WDPCP: variants seen among roughly 807,000 people sequenced by gnomAD.
The protein encoded by WDPCP is WD repeat containing planar cell polarity effector.
A neutral mutation model predicts 93.1 loss-of-function variants in WDPCP; 71 were observed. The ratio of observed to expected loss-of-function variants is 0.76; its 90% CI spans 0.63 to 0.93. The LOEUF is 0.93. Ranked by LOEUF, WDPCP falls within the 40% of genes least tolerant of loss-of-function variation. The pLI, the probability that WDPCP is intolerant of heterozygous loss-of-function variation, is 0.00. For synonymous variants in WDPCP, 315 were observed against 315.0 expected, an observed-to-expected ratio of 1.00 and a Z score of 0.00; for missense variants, 844 against 887.4, an observed-to-expected ratio of 0.95 and a Z score of 0.62.
intron 14 of WDPCP, chr2:63,229,691 A>G (rs953117309): frequency 2.6e-5 from 4 of 151,968 alleles, no homozygotes; most frequent in East Asian, 1.9e-4. Flanking sequence ...TAAATAGGGA[A>G]TCCTTTCCCC....
In WDPCP at chr2:63,404,383, T is replaced by A. The variant is rs748655540; in HGVS notation, c.1100A>T (p.His367Leu). 1 of 1,614,162 alleles carries A rather than the reference T, an allele frequency of 6.2e-7. No individual in the cohort carries two copies. The highest frequency in any genetic ancestry group is 2.2e-5 in the East Asian group (1 of 44,886). Residue 367 changes from histidine (H) to leucine (L), a missense_variant, in exon 10 of 18, where the codon CAC becomes CTC. Physicochemically the swap from His to Leu is moderately conservative, Grantham distance 99 (BLOSUM62 -3). Transcript: ENST00000272321. ...CTGTGCTAAGAGAGTCACTCTACGG[T>A]GAGTTTCATAAAGAATTAGCGAAGA... ...EDSSLILYET[H>L]RRVTLLAQTE... is the part of the protein sequence containing the mutation.
chr2:63,433,537 T>G (rs766433381), intron 9 of WDPCP, among the ~76,000 whole-genome samples: 4 of 152,174 alleles, frequency 2.6e-5, no homozygotes, highest in African/African-American at 4.8e-5. Context: ...GAGCTAGCAT[T>G]TGAACCTGGA....
upstream of WDPCP, among the ~76,000 whole-genome samples, chr2:63,591,548 A>AATAACTT (rs1709201654): frequency 1.3e-5 from 2 of 152,206 alleles, no homozygotes; most frequent in Non-Finnish European, 2.9e-5. Context: ...CATATAGGTG[A>AATAACTT]CCTTATGGGA....
In WDPCP at chr2:63,345,973, T is replaced by A. The variant is rs1689162427; in HGVS notation, c.1748+32413A>T. Among the ~76,000 whole-genome samples the A allele has an allele frequency of 2.0e-5, 3 of 151,826 alleles. No homozygotes were observed. The South Asian group carries it at 6.3e-4, about 32-fold the overall frequency. On this transcript the variant is annotated intron_variant, in intron 12 of 17. Coordinates refer to ENST00000272321, the MANE Select transcript of WDPCP (RefSeq NM_015910.7). The stretch of plus-strand genomic sequence containing the variant: ...GGTAGGAGACTATACAACTAAAGAG[T>A]TGCAAGAATTCGACACTATGTGCCA...
chr2:63,823,199 CAA>C (rs535622796), intron 1 of WDPCP, among the ~76,000 whole-genome samples: 6 of 117,268 alleles, frequency 5.1e-5, no homozygotes, highest in Non-Finnish European at 3.6e-5. Context: ...AAGTTTCACC[CAA>C]AAAAAAAAAA....
chr2:63,600,344 C>T (rs971193682), intron 3 of WDPCP, among the ~76,000 whole-genome samples: 2 of 152,074 alleles, frequency 1.3e-5, no homozygotes, highest in African/African-American at 4.8e-5. Context: ...AAAACTGAGG[C>T]CCAGGGAAGT....
intron 14 of WDPCP, among the ~76,000 whole-genome samples, chr2:63,197,691 A>T (rs1443507345): frequency 1.3e-5 from 2 of 152,188 alleles, no homozygotes; most frequent in Non-Finnish European, 2.9e-5. Flanking sequence ...ACTAGCCATT[A>T]TTTAGCTCCC....
intron 2 of WDPCP, among the ~76,000 whole-genome samples, chr2:63,675,550 C>T (rs929019171): frequency 6.6e-6 from 1 of 152,182 alleles, no homozygotes; most frequent in East Asian, 1.9e-4. Flanking sequence ...GCAGAAAAAT[C>T]TCCATTATAT....
At chr2:63,781,559 C>T (rs1670392427) in intron 2 of WDPCP, among the ~76,000 whole-genome samples, 1 of 152,170 alleles carries the variant, frequency 6.6e-6, no homozygotes, top group South Asian at 2.1e-4. Flanking sequence ...TCTAGGAAAA[C>T]AGACATAAAT....
chr2:63,494,944 G>A (rs1483289023), intron 1 of WDPCP, among the ~76,000 whole-genome samples: 2 of 149,606 alleles, frequency 1.3e-5, no homozygotes, highest in African/African-American at 5.0e-5. Flanking sequence ...AAAAAAAGAT[G>A]GCATGACCCA....
intron 14 of WDPCP, among the ~76,000 whole-genome samples, chr2:63,258,670 T>TGTAA (rs1265905481): frequency 2.6e-5 from 4 of 152,204 alleles, no homozygotes. Context: ...GAATTGGATT[T>TGTAA]GTAAGTATCA....
chr2:63,398,146 C>T (rs34692432), intron 10 of WDPCP, among the ~76,000 whole-genome samples: 3 of 151,770 alleles, frequency 2.0e-5, no homozygotes, highest in Admixed American at 1.3e-4. Context: ...TGAGTGGGGG[C>T]GTCGTAAGAA....
chr2:63,122,833 A>G (rs1664378951), intron 17 of WDPCP, among the ~76,000 whole-genome samples: 1 of 152,202 alleles, frequency 6.6e-6, no homozygotes, highest in Admixed American at 6.5e-5. Flanking sequence ...CATTTTACTT[A>G]AAGTATAGGT....
chr2:63,462,063 C>T (rs556096209), intron 6 of WDPCP, among the ~76,000 whole-genome samples: 6 of 152,258 alleles, frequency 3.9e-5, no homozygotes, highest in East Asian at 1.9e-4. Context: ...ATGTTTACTG[C>T]GGCACTATTC....
At chr2:63,833,782 A>C in the WDPCP span, among the ~76,000 whole-genome samples, 1 of 152,230 alleles carries the variant, frequency 6.6e-6, no homozygotes, top group East Asian at 1.9e-4. Context: ...TCTAAAGACA[A>C]CAAAAAGGAT....
rs138746943 is a variant in WDPCP at position 63,157,792 on chromosome 2, G to A, written c.2079-4218C>T. 2.8e-3 allele frequency among the ~76,000 whole-genome samples: 428 copies of A among 152,086 alleles called. 1 individual carries two copies. The highest frequency in any genetic ancestry group is 9.7e-3 in the African/African-American group (401 of 41,522). ...TTCTTTTTCTCTTTGTCTGACTAGA[G>A]TTTTTTCAATTTTGTTGATCTTTTC... is the stretch of plus-strand genomic sequence containing the variant. On this transcript the variant is annotated intron_variant, in intron 15 of 17. Coordinates refer to ENST00000272321, the MANE Select transcript of WDPCP (RefSeq NM_015910.7).
At chr2:63,809,056 C>T (rs148430063) in intron 2 of WDPCP, among the ~76,000 whole-genome samples, 17,592 of 150,964 alleles carry the variant, frequency 0.12, 1,284 homozygotes, top group Non-Finnish European at 0.16. Flanking sequence ...AGGTGAGGAG[C>T]GTCTCTGACC....
chr2:63,818,468 A>G (rs1477055884), intron 1 of WDPCP, among the ~76,000 whole-genome samples: 4 of 152,222 alleles, frequency 2.6e-5, no homozygotes, highest in Non-Finnish European at 4.4e-5. Context: ...GGAGATGAGG[A>G]GAACAGTTAG....
chr2:63,563,973 A>T (rs564784418), intron 1 of WDPCP, among the ~76,000 whole-genome samples: 1 of 152,316 alleles, frequency 6.6e-6, no homozygotes, highest in East Asian at 1.9e-4. Context: ...AAAAACTATT[A>T]AATTGTACAC....
Sources: gnomAD v4.1 joint callset for allele counts (sites outside exome capture counted in the v4.1 genomes callset) on GRCh38, gnomAD v4.1.1 for gene constraint, MANE v1.5 for transcripts, NCBI Gene and HGNC (gene_info 2026-07-23, HGNC 2026-07-21) for gene names.